The following NSD1 variants were observed in gnomAD, a reference collection of about 807,000 sequenced individuals.
The protein encoded by NSD1 is nuclear receptor binding SET domain protein 1.
A neutral mutation model predicts 242.7 loss-of-function variants in NSD1; 26 were observed. The observed-to-expected ratio is 0.11, with a 90% CI of 0.08 to 0.15. The LOEUF (loss-of-function observed/expected upper bound fraction) is 0.15, where lower values mean the gene tolerates loss of function less well. NSD1 is among the 10% of genes least tolerant of loss of function. The pLI, the probability that NSD1 is intolerant of heterozygous loss-of-function variation, is 1.00. For synonymous variants in NSD1, 1,106 were observed against 1,178.1 expected, an observed-to-expected ratio of 0.94 and a Z score of 1.25; for missense variants, 2,495 against 3,272.8, an observed-to-expected ratio of 0.76 and a Z score of 5.80.
chr5:177,283,367 T>C (rs967455599), intron 19 of NSD1, among the ~76,000 whole-genome samples: 4 of 152,236 alleles, frequency 2.6e-5, no homozygotes, highest in Non-Finnish European at 5.9e-5. Context: ...TACTTTGGGA[T>C]TGGGACTCCG....
intron 3 of NSD1, among the ~76,000 whole-genome samples, chr5:177,201,083 C>T (rs565758290): frequency 2.6e-5 from 4 of 152,014 alleles, no homozygotes; most frequent in East Asian, 1.9e-4. Flanking sequence ...GACTGGGTTT[C>T]GCCATGTTGG....
intron 5 of NSD1, among the ~76,000 whole-genome samples, chr5:177,222,017 G>T (rs1764278288): frequency 6.6e-6 from 1 of 152,036 alleles, no homozygotes; most frequent in Non-Finnish European, 1.5e-5. Context: ...CACCATTTTG[G>T]CCAGGCTAGT....
chr5:177,204,027 A>G (rs1299286935), intron 3 of NSD1, 93 bp from the exon 4 acceptor site: 11 of 1,221,290 alleles, frequency 9.0e-6, no homozygotes, highest in Non-Finnish European at 1.1e-5. Flanking sequence ...GTTTCCAGAC[A>G]GTCTTCTTTG....
At chr5:177,239,050 A>G (rs1314174755) in intron 7 of NSD1, among the ~76,000 whole-genome samples, 1 of 152,172 alleles carries the variant, frequency 6.6e-6, no homozygotes, top group South Asian at 2.1e-4. Context: ...ATCTAAACAT[A>G]TTGTCTCTAA....
chr5:177,266,421 C>A, intron 14 of NSD1: 1 of 628,850 alleles, frequency 1.6e-6, no homozygotes, highest in East Asian at 3.4e-5. Flanking sequence ...CCAGCACCAC[C>A]TTGTCTTTAA....
chr5:177,263,626 A>G (rs1490671269), intron 14 of NSD1, among the ~76,000 whole-genome samples: 2 of 152,238 alleles, frequency 1.3e-5, no homozygotes, highest in African/African-American at 2.4e-5. Context: ...TGGGAAGTAC[A>G]CGTAAAGCAG....
intron 3 of NSD1, among the ~76,000 whole-genome samples, chr5:177,194,228 G>T (rs1314109799): frequency 6.6e-6 from 1 of 151,832 alleles, no homozygotes; most frequent in African/African-American, 2.4e-5. Flanking sequence ...TTTCCACTTT[G>T]TGGAGATTTT....
At chr5:177,225,213 G>A (rs1764542405) in intron 5 of NSD1, among the ~76,000 whole-genome samples, 1 of 152,026 alleles carries the variant, frequency 6.6e-6, no homozygotes, top group Non-Finnish European at 1.5e-5. Flanking sequence ...TGTGATCTCG[G>A]CTCACTGCAT....
Position 177,210,319 on chromosome 5 carries a change from C to T in NSD1, c.1920C>T (p.Thr640=). 6.2e-7 allele frequency: 1 copy of T among 1,613,834 alleles called. No individual in the cohort carries two copies. The highest frequency in any genetic ancestry group is 2.2e-5 in the East Asian group (1 of 44,872). ...EKRSDSISIC[T]TSDDGSSDLD... The stretch of plus-strand genomic sequence containing the variant: ...GAAGTGATTCCATTAGTATCTGTAC[C>T]ACTTCTGATGATGGAAGCAGTGACC... The change falls in exon 5 of 23, where the codon ACC becomes ACT. Residue 640 remains threonine (T), a synonymous_variant. Coordinates refer to ENST00000439151, the MANE Select transcript of NSD1 (RefSeq NM_022455.5).
chr5:177,239,625 G>A (rs1765701135), intron 7 of NSD1, 131 bp from the exon 8 acceptor site: 1 of 624,842 alleles, frequency 1.6e-6, no homozygotes, highest in Non-Finnish European at 2.9e-6. Context: ...TTACCATCCT[G>A]CCTCTTCCCA....
chr5:177,233,497 T>C (rs1765214782), intron 5 of NSD1, among the ~76,000 whole-genome samples: 1 of 151,478 alleles, frequency 6.6e-6, no homozygotes, highest in South Asian at 2.1e-4. Flanking sequence ...GCATCTGGTG[T>C]AGCTCGCATT....
In NSD1 at chr5:177,294,043, A is replaced by C. The variant is rs201682902; in HGVS notation, c.6675A>C (p.Pro2225=). The change falls in exon 23 of 23, where the codon CCA becomes CCC. Residue 2225 remains proline, a synonymous_variant. Transcript: ENST00000439151. ...AGATCCGTGAGTATGTGCCTCCCCC[A>C]GTACCGCTGCCTCCAGGGCCAAGCA... is the stretch of plus-strand genomic sequence containing the variant. ...PGEIREYVPP[P]VPLPPGPSTH... 2 of 1,614,078 alleles carry C rather than the reference A, an allele frequency of 1.2e-6. No individual in the cohort carries two copies. The highest frequency in any genetic ancestry group is 4.5e-5 in the East Asian group (2 of 44,868).
intron 2 of NSD1, among the ~76,000 whole-genome samples, chr5:177,176,707 T>C (rs1760237203): frequency 6.6e-6 from 1 of 152,200 alleles, no homozygotes; most frequent in African/African-American, 2.4e-5. Flanking sequence ...ATTGGTACAG[T>C]TAAAACCTAG....
chr5:177,217,004 T>C (rs1461064601), intron 5 of NSD1, among the ~76,000 whole-genome samples: 1 of 151,916 alleles, frequency 6.6e-6, no homozygotes, highest in South Asian at 2.1e-4. Context: ...TCTTTGAAAT[T>C]ACACACTAAT....
chr5:177,194,858 G>A (rs1372393957), intron 3 of NSD1, among the ~76,000 whole-genome samples: 1 of 151,450 alleles, frequency 6.6e-6, no homozygotes, highest in Non-Finnish European at 1.5e-5. Context: ...CCAGAACCTA[G>A]CACAGTACTA....
chr5:177,282,159 G>T (rs1381849816), intron 18 of NSD1, among the ~76,000 whole-genome samples: 1 of 152,174 alleles, frequency 6.6e-6, no homozygotes, highest in African/African-American at 2.4e-5. Context: ...CTCTGGGGCA[G>T]GTAGAGATTG....
intron 2 of NSD1, among the ~76,000 whole-genome samples, chr5:177,158,922 TTG>T (rs560922028): frequency 6.8e-5 from 9 of 132,358 alleles, no homozygotes; most frequent in Middle Eastern, 3.6e-3. Context: ...TATATATAGT[TTG>T]TGTGTGTGTG....
intron 5 of NSD1, among the ~76,000 whole-genome samples, chr5:177,214,167 A>T (rs1410987299): frequency 6.6e-6 from 1 of 152,042 alleles, no homozygotes; most frequent in Non-Finnish European, 1.5e-5. Context: ...CCCCATCTCT[A>T]CTAAAAATAC....
chr5:177,259,412 C>G (rs1313610566), intron 13 of NSD1, among the ~76,000 whole-genome samples: 1 of 152,196 alleles, frequency 6.6e-6, no homozygotes, highest in Non-Finnish European at 1.5e-5. Context: ...TTTGAGCACA[C>G]AGACTTTGAG....
Sources: gnomAD v4.1 joint callset for allele counts (sites outside exome capture counted in the v4.1 genomes callset) on GRCh38, gnomAD v4.1.1 for gene constraint, MANE v1.5 for transcripts, NCBI Gene and HGNC (gene_info 2026-07-23, HGNC 2026-07-21) for gene names.